Variants in GREB1 observed in about 807,000 individuals in gnomAD.
GREB1 encodes the protein protein GREB1.
GREB1 carries 106 observed loss-of-function variants against 200.7 expected under a neutral mutation model. That is an observed-to-expected ratio of 0.53 (90% CI 0.45 to 0.62). The LOEUF (loss-of-function observed/expected upper bound fraction) is 0.62. Ranked by LOEUF, GREB1 falls within the 20% of genes least tolerant of loss-of-function variation. The probability of loss-of-function intolerance (pLI) is 0.00; values close to 1 mark genes in which losing one functional copy is unlikely to be tolerated. For synonymous variants in GREB1, 1,132 were observed against 1,092.4 expected (o/e 1.04, Z -0.72); for missense variants, 2,243 against 2,556.8 (o/e 0.88, Z 2.65).
Position 11,580,232 on chromosome 2 carries a change from G to A in GREB1, c.773-472G>A, listed in dbSNP as rs940519154. Among the ~76,000 whole-genome samples, 1 of 152,176 alleles carries A rather than the reference G, an allele frequency of 6.6e-6. No homozygotes were observed. The highest frequency in any genetic ancestry group is 2.4e-5 in the African/African-American group (1 of 41,428). ...GGAGCTGCAATTCAAAGTGGAATTT[G>A]GGCGGGGACACAGCCAAACCGTATC... On this transcript the variant is annotated intron_variant, in intron 6 of 32. Coordinates refer to ENST00000381486, the MANE Select transcript of GREB1 (RefSeq NM_014668.4). This position sits in a 1 kb window ranked among gnomAD's most constrained non-coding sequence, Gnocchi z 4.5.
rs1397610772 is a variant in GREB1 at position 11,493,079 on chromosome 2, A to G, written c.-159+10698A>G. On this transcript the variant is annotated intron_variant, in intron 1 of 2. Transcript: ENST00000628795. The surrounding 1 kb of genome is among the most constrained non-coding windows in gnomAD (Gnocchi z 4.6). ...GATGATTGATCGTACAAACCTATCA[A>G]TGAAGACACCTTGAGTAGCATCCCA... Among the ~76,000 whole-genome samples, 28 of 152,344 alleles carry G rather than the reference A, an allele frequency of 1.8e-4. No individual in the cohort carries two copies. Among genetic ancestry groups the G allele is most frequent in the Admixed American group, 1.7e-3 (26 of 15,306 alleles).
intron 1 of GREB1, among the ~76,000 whole-genome samples, chr2:11,487,220 G>A (rs1672675418): frequency 6.6e-6 from 1 of 152,058 alleles, no homozygotes; most frequent in African/African-American, 2.4e-5. Context: ...TTGATTGATG[G>A]TAGTACACAT....
At chr2:11,488,205 G>T (rs944431093) in intron 1 of GREB1, among the ~76,000 whole-genome samples, 1 of 152,172 alleles carries the variant, frequency 6.6e-6, no homozygotes, top group Non-Finnish European at 1.5e-5. Flanking sequence ...GGAAACTCGG[G>T]GGGTGGTGAC....
chr2:11,618,167 TGA>T (rs1683615140), intron 21 of GREB1, 119 bp from the exon 22 acceptor site: 7 of 676,488 alleles, frequency 1.0e-5, no homozygotes, highest in Admixed American at 8.5e-5. Flanking sequence ...CTGGGATGGG[TGA>T]CTCCTGGGAC....
chr2:11,639,431 A>G (rs1685646489), intron 32 of GREB1, among the ~76,000 whole-genome samples: 2 of 152,202 alleles, frequency 1.3e-5, no homozygotes, highest in Non-Finnish European at 2.9e-5. Flanking sequence ...TCGGTGTCCC[A>G]GTCGTTGCTG....
intron 10 of GREB1, among the ~76,000 whole-genome samples, chr2:11,589,283 G>A (rs535548686): frequency 4.6e-4 from 70 of 152,352 alleles, no homozygotes; most frequent in Non-Finnish European, 9.3e-4. Flanking sequence ...ATGGGTGCAT[G>A]CATTAGTGTG....
chr2:11,601,450 T>A (rs963865156), intron 16 of GREB1, among the ~76,000 whole-genome samples: 2 of 152,230 alleles, frequency 1.3e-5, no homozygotes, highest in Non-Finnish European at 2.9e-5. Flanking sequence ...TGAACACATA[T>A]CCTCAAAACT....
At chr2:11,583,165 C>G (rs544752815) in intron 7 of GREB1, among the ~76,000 whole-genome samples, 1 of 152,328 alleles carries the variant, frequency 6.6e-6, no homozygotes, top group South Asian at 2.1e-4. Context: ...CTATTTAGAA[C>G]TATTTATAGG....
At chr2:11,577,553 C>T (rs572791908) in intron 5 of GREB1, among the ~76,000 whole-genome samples, 2 of 152,204 alleles carry the variant, frequency 1.3e-5, no homozygotes, top group African/African-American at 2.4e-5. Flanking sequence ...CAGTCAGCAA[C>T]GCAGGGTGAG....
At chr2:11,610,237 C>T (rs534575023) in intron 17 of GREB1, among the ~76,000 whole-genome samples, 40 of 152,194 alleles carry the variant, frequency 2.6e-4, no homozygotes, top group Non-Finnish European at 5.0e-4. Flanking sequence ...AGAGATGGGC[C>T]TTTAGAACTC....
intron 1 of GREB1, among the ~76,000 whole-genome samples, chr2:11,549,469 T>C (rs910186528): frequency 6.6e-6 from 1 of 152,026 alleles, no homozygotes; most frequent in Non-Finnish European, 1.5e-5. Flanking sequence ...TGGCCAAGAG[T>C]AGCTATTTTT....
intron 3 of GREB1, among the ~76,000 whole-genome samples, chr2:11,563,668 AT>A (rs1264557552): frequency 6.6e-6 from 1 of 152,198 alleles, no homozygotes; most frequent in African/African-American, 2.4e-5. Context: ...CTGCTTCCTT[AT>A]TTGTAAAATG....
intron 1 of GREB1, among the ~76,000 whole-genome samples, chr2:11,538,561 G>C (rs906332571): frequency 1.3e-5 from 2 of 152,154 alleles, no homozygotes; most frequent in African/African-American, 4.8e-5. Flanking sequence ...GGATTCGTAA[G>C]AGTCAATTGC....
intron 1 of GREB1, among the ~76,000 whole-genome samples, chr2:11,509,002 G>A (rs1295680949): frequency 6.6e-6 from 1 of 151,402 alleles, no homozygotes; most frequent in Non-Finnish European, 1.5e-5. Context: ...AGCCTCCCGA[G>A]TAGCTGGGAC....
intron 1 of GREB1, among the ~76,000 whole-genome samples, chr2:11,502,241 G>C (rs1222060681): frequency 7.3e-6 from 1 of 136,824 alleles, no homozygotes; most frequent in Non-Finnish European, 1.6e-5. Flanking sequence ...TTTTTCCTGA[G>C]ACAGGGTCTC....
chr2:11,583,052 T>C (rs1679678350), intron 7 of GREB1, among the ~76,000 whole-genome samples: 1 of 152,108 alleles, frequency 6.6e-6, no homozygotes, highest in Non-Finnish European at 1.5e-5. Context: ...AAATGCCAAA[T>C]AGTACCTCCC....
At chr2:11,487,381 C>A (rs561368249) in intron 1 of GREB1, among the ~76,000 whole-genome samples, 1 of 152,252 alleles carries the variant, frequency 6.6e-6, no homozygotes, top group South Asian at 2.1e-4. Context: ...CTGTTCAACC[C>A]CGTAGGACAA....
intron 8 of GREB1, 32 bp downstream of exon 8, chr2:11,585,306 G>T (rs1425250428): frequency 2.9e-6 from 4 of 1,361,764 alleles, no homozygotes; most frequent in Non-Finnish European, 4.0e-6. Flanking sequence ...CAGAATTCCA[G>T]ACTTGGGTAC....
At chr2:11,517,818 A>T (rs900833037) in intron 1 of GREB1, among the ~76,000 whole-genome samples, 8 of 151,754 alleles carry the variant, frequency 5.3e-5, no homozygotes, top group African/African-American at 1.7e-4. Flanking sequence ...TGCCCGGCTA[A>T]TTTTTTTTGT....
Sources: gnomAD v4.1 joint callset for allele counts (sites outside exome capture counted in the v4.1 genomes callset) on GRCh38, gnomAD v4.1.1 for gene constraint, Gnocchi (gnomAD v3.1) non-coding constraint, MANE v1.5 for transcripts, NCBI Gene and HGNC (gene_info 2026-07-23, HGNC 2026-07-21) for gene names.